The following UNC13B variants were observed in gnomAD, a reference collection of about 807,000 sequenced individuals.
The protein encoded by UNC13B is unc-13 homolog B.
A neutral mutation model predicts 211.0 loss-of-function variants in UNC13B; 144 were observed. The ratio of observed to expected loss-of-function variants is 0.68; its 90% CI spans 0.60 to 0.78. The LOEUF (loss-of-function observed/expected upper bound fraction) is 0.78, where lower values mean the gene tolerates loss of function less well. Among genes scored for constraint, UNC13B ranks in the 30% least tolerant of loss-of-function variants. The pLI is 0.00. For missense variants in UNC13B, 1,777 were observed against 2,002.0 expected (o/e 0.89, Z 2.14); for synonymous variants, 709 against 725.8 (o/e 0.98, Z 0.37).
At chr9:35,362,673 G>A (rs769904226) in intron 11 of UNC13B, among the ~76,000 whole-genome samples, 55 of 152,158 alleles carry the variant, frequency 3.6e-4, no homozygotes, top group Admixed American at 1.5e-3. Context: ...GGTGGTGGGC[G>A]CCTGTAGTCC....
intron 11 of UNC13B, chr9:35,353,547 C>A: frequency 4.1e-6 from 5 of 1,232,064 alleles, no homozygotes; most frequent in Non-Finnish European, 5.1e-6. Flanking sequence ...CCTCAGGATC[C>A]AAGCACCTTC....
intron 6 of UNC13B, 106 bp from the exon 7 acceptor site, chr9:35,258,887 G>T: frequency 1.8e-6 from 2 of 1,106,746 alleles, no homozygotes; most frequent in Non-Finnish European, 2.6e-6. Flanking sequence ...TAAAAATTTT[G>T]TTTCCAAACA....
intron 7 of UNC13B, among the ~76,000 whole-genome samples, chr9:35,264,037 T>G (rs1047545992): frequency 6.6e-6 from 1 of 152,158 alleles, no homozygotes; most frequent in Non-Finnish European, 1.5e-5. Context: ...GGATTGTTGC[T>G]GAAACAAATA....
rs557702464 is a variant in UNC13B, at chr9:35,162,255, C to T, written c.-29C>T. ...AGGGAGCGGTCCGGCGCGGCTGGGGCGCGGCAGAGGCTTGCCCGATCCTCG... is the reference window on the plus strand; with the variant it reads ...AGGGAGCGGTCCGGCGCGGCTGGGGTGCGGCAGAGGCTTGCCCGATCCTCG... On this transcript the variant is annotated 5_prime_UTR_variant, in exon 1 of 40. Transcript: ENST00000635942. 1 of 1,542,302 alleles carries T rather than the reference C, an allele frequency of 6.5e-7. No homozygotes were observed. Among genetic ancestry groups the T allele is most frequent in the East Asian group, 2.4e-5 (1 of 40,866 alleles).
chr9:35,249,764 C>T (rs1175656508), intron 6 of UNC13B, among the ~76,000 whole-genome samples: 3 of 152,164 alleles, frequency 2.0e-5, no homozygotes, highest in African/African-American at 4.8e-5. Context: ...GTAACCCGAC[C>T]TTTCTCTCTG....
chr9:35,384,364 C>G (rs1276336316), intron 22 of UNC13B, 50 bp downstream of exon 22: 6 of 1,585,942 alleles, frequency 3.8e-6, no homozygotes, highest in Non-Finnish European at 5.2e-6. Context: ...AAGCACGGTC[C>G]CAGAGAGACT....
intron 12 of UNC13B, among the ~76,000 whole-genome samples, chr9:35,368,699 C>T (rs1833927314): frequency 6.6e-6 from 1 of 150,746 alleles, no homozygotes; most frequent in South Asian, 2.1e-4. Flanking sequence ...GTTCTCTTTT[C>T]CCTGCAGCTT....
chr9:35,183,731 G>A (rs1473671074), intron 1 of UNC13B, among the ~76,000 whole-genome samples: 2 of 140,696 alleles, frequency 1.4e-5, no homozygotes, highest in South Asian at 2.3e-4. Flanking sequence ...TCCCAGACGG[G>A]GCAGCCGGGC....
In UNC13B at chr9:35,232,165, G is replaced by A. The variant is rs375066162; in HGVS notation, c.152+946G>A. Among the ~76,000 whole-genome samples, 103 of 46,078 alleles carry A rather than the reference G, an allele frequency of 2.2e-3. 2 individuals are homozygous for A. In the South Asian group the frequency reaches 0.065, roughly 29 times the overall value. The allele number at this position is 46,078 out of a possible 152,430, so 30.2% of individuals were successfully genotyped here. On this transcript the variant is annotated intron_variant, in intron 3 of 39. Transcript: ENST00000635942. ...GACATTTCCAATCCTCTGGGCTCTT[G>A]GTATATTGCTGCTTTTTTTTTTTTT...
chr9:35,303,377 TCAAA>T lies in UNC13B; in HGVS notation c.3977_3980del (p.Asn1326SerfsTer2). On this transcript the variant is annotated frameshift_variant, in exon 9 of 40. Transcript: ENST00000635942. LOFTEE classifies it high-confidence loss of function. ...TCTTGAGGCAAAACTACATGAAAAT[TCAAA>T]CAAGTTAAATTCACCTGTACTAAAT... 1 of 398,678 alleles carries T rather than the reference TCAAA, an allele frequency of 2.5e-6. No homozygotes were observed. The highest frequency in any genetic ancestry group is 6.3e-4 in the Middle Eastern group (1 of 1,588). The allele number at this position is 398,678 out of a possible 1,614,324, so 24.7% of individuals were successfully genotyped here. A position where few individuals can be genotyped will look rare whatever the true frequency, so the allele number is the denominator to read the frequency against.
chr9:35,199,436 T>C (rs966600980), intron 1 of UNC13B, among the ~76,000 whole-genome samples: 10 of 152,206 alleles, frequency 6.6e-5, no homozygotes, highest in Non-Finnish European at 1.3e-4. Context: ...CCACAATGGT[T>C]GAACTAGTTT....
At chr9:35,290,695 T>C (rs1454365681) in intron 7 of UNC13B, among the ~76,000 whole-genome samples, 1 of 151,448 alleles carries the variant, frequency 6.6e-6, no homozygotes, top group Non-Finnish European at 1.5e-5. Context: ...GAGACAGAGA[T>C]CTAATTTTTC....
chr9:35,170,637 T>TA (rs757938372), intron 1 of UNC13B, among the ~76,000 whole-genome samples: 2 of 151,284 alleles, frequency 1.3e-5, no homozygotes, highest in South Asian at 2.1e-4. Context: ...CTTGGCTAAT[T>TA]AAAAAAAAAT....
Position 35,352,262 on chromosome 9 carries a change from C to A in UNC13B, c.9415-14685C>A, listed in dbSNP as rs551684594. On this transcript the variant is annotated intron_variant, in intron 11 of 39. Coordinates refer to ENST00000635942, the MANE Select transcript of UNC13B (RefSeq NM_001371189.2). ...GGTGGAAAGCTTTCTAGCCAAGCAC[C>A]TTTGTGTTAATGGCATGCAGTGCAA... 140 of 1,232,120 alleles carry A rather than the reference C, an allele frequency of 1.1e-4. No individual in the cohort carries two copies. The African/African-American group carries it at 2.0e-3, about 18-fold the overall frequency. The allele number at this position is 1,232,120 out of a possible 1,614,324, so 76.3% of individuals were successfully genotyped here. A position where few individuals can be genotyped will look rare whatever the true frequency, so the allele number is the denominator to read the frequency against.
chr9:35,205,546 A>G (rs745634271), intron 1 of UNC13B, among the ~76,000 whole-genome samples: 3 of 151,948 alleles, frequency 2.0e-5, no homozygotes, highest in Non-Finnish European at 2.9e-5. Context: ...ATTTTCTCCA[A>G]CCTCCCACTA....
chr9:35,223,963 T>C (rs886335283), intron 1 of UNC13B, among the ~76,000 whole-genome samples: 10 of 152,210 alleles, frequency 6.6e-5, no homozygotes, highest in Non-Finnish European at 5.9e-5. Flanking sequence ...TGGCTGTAAA[T>C]ACATGGATTT....
chr9:35,191,598 T>C (rs1330523855), intron 1 of UNC13B, among the ~76,000 whole-genome samples: 1 of 152,204 alleles, frequency 6.6e-6, no homozygotes, highest in Non-Finnish European at 1.5e-5. Context: ...AAGATCAGTA[T>C]TTAAGATATT....
At chr9:35,288,678 G>T (rs149464019) in intron 7 of UNC13B, among the ~76,000 whole-genome samples, 1 of 152,326 alleles carries the variant, frequency 6.6e-6, no homozygotes, top group Non-Finnish European at 1.5e-5. Context: ...CAGAGAACAT[G>T]ACTTGTTTTT....
In UNC13B at chr9:35,305,290, T is replaced by C. The variant is rs527914105; in HGVS notation, c.5886T>C (p.Asp1962=). 1 of 398,962 alleles carries C rather than the reference T, an allele frequency of 2.5e-6. No individual in the cohort carries two copies. Among genetic ancestry groups the C allele is most frequent in the Non-Finnish European group, 4.4e-6 (1 of 225,998 alleles). The allele number at this position is 398,962 out of a possible 1,614,324, so 24.7% of individuals were successfully genotyped here. The stretch of plus-strand genomic sequence containing the variant: ...CACCAAACTTAGAAAAGATTGGTGA[T>C]ACAAATGTCAAGATACCACCTCAAG... The part of the protein sequence containing the change: ...EGSPNLEKIG[D]TNVKIPPQEK... Residue 1962 remains aspartate, a synonymous_variant, in exon 9 of 40, where the codon GAT becomes GAC. Transcript: ENST00000635942.
Sources: allele counts gnomAD v4.1 joint callset (sites outside exome capture counted in the v4.1 genomes callset), GRCh38; gene constraint gnomAD v4.1.1; transcripts MANE v1.5; gene names NCBI Gene and HGNC (gene_info 2026-07-23, HGNC 2026-07-21).